The following NCAPD2 variants were observed in gnomAD, a reference collection of about 807,000 sequenced individuals.
The protein encoded by NCAPD2 is non-SMC condensin I complex subunit D2.
Under a neutral mutation model 164.5 loss-of-function variants are expected in NCAPD2, and 100 were observed. The ratio of observed to expected loss-of-function variants is 0.61; its 90% CI spans 0.52 to 0.72. NCAPD2 has a LOEUF of 0.72. Among genes scored for constraint, NCAPD2 ranks in the 30% least tolerant of loss-of-function variants. NCAPD2 has a pLI of 0.00. For missense variants in NCAPD2, 1,560 were observed against 1,749.2 expected (o/e 0.89, Z 1.93); for synonymous variants, 585 against 642.6 (o/e 0.91, Z 1.36).
At chr12:6,508,344 C>CA (rs1237213660) in intron 2 of NCAPD2, among the ~76,000 whole-genome samples, 2 of 151,576 alleles carry the variant, frequency 1.3e-5, no homozygotes, top group Admixed American at 1.3e-4. Flanking sequence ...TTGAAAAAAA[C>CA]AAAAAAATGG....
chr12:6,528,798 A>G lies in NCAPD2; in HGVS notation c.3419A>G (p.Asp1140Gly), dbSNP rs1262181768. 3 of 1,613,534 alleles carry G rather than the reference A, an allele frequency of 1.9e-6. No homozygotes were observed. The highest frequency in any genetic ancestry group is 2.5e-6 in the Non-Finnish European group (3 of 1,179,894). Reference protein sequence around the residue: ...QVSEMAVLLIDPEPQIAALAK... With the variant: ...QVSEMAVLLIGPEPQIAALAK... ...AGCGAGATGGCGGTGCTGCTCATCG[A>G]CCCCGAGCCTCAGATTGCTGCCCTG... Residue 1140 changes from aspartate (D) to glycine (G), a missense_variant, in exon 26 of 32, where the codon GAC becomes GGC. Asp to Gly is a moderately conservative substitution (Grantham distance 94, BLOSUM62 -1). Transcript: ENST00000315579. This position sits in a 1 kb window ranked among gnomAD's most constrained non-coding sequence, Gnocchi z 5.1.
Position 6,529,602 on chromosome 12 carries a change from C to T in NCAPD2, c.3653+9C>T, listed in dbSNP as rs202126467. On this transcript the variant is annotated intron_variant, in intron 28 of 31. Transcript: ENST00000315579. ...CGGTTCCGCACATCCCGGTATGCTG[C>T]CCTCCCTGAGGGTTCTTTGTGCTGA... is the stretch of plus-strand genomic sequence containing the variant. 2.5e-5 allele frequency: 41 copies of T among 1,614,060 alleles called. No individual in the cohort carries two copies. In the East Asian group the frequency reaches 8.9e-4, roughly 35 times the overall value.
chr12:6,508,206 T>C (rs10735058), intron 2 of NCAPD2, among the ~76,000 whole-genome samples: 119,894 of 151,644 alleles, frequency 0.79, 48,130 homozygotes, highest in African/African-American at 0.94. Context: ...CCTGTAGTCC[T>C]AGCTACGTGG....
In NCAPD2 at chr12:6,531,259, C is replaced by T. The variant is rs1946370520; in HGVS notation, c.4121-68C>T. On this transcript the variant is annotated intron_variant, in intron 31 of 31. Transcript: ENST00000315579. The surrounding 1 kb of genome is among the most constrained non-coding windows in gnomAD (Gnocchi z 4.1). ...GCGGTGTGGGATTGTCTCACTTGTT[C>T]TCTGATATCTATTTTTTCACCATCT... 6.5e-7 allele frequency: 1 copy of T among 1,533,036 alleles called. No homozygotes were observed. Among genetic ancestry groups the T allele is most frequent in the African/African-American group, 1.4e-5 (1 of 72,958 alleles). 95.0% of individuals were successfully genotyped at this position (1,533,036 alleles called of 1,614,324 possible).
At chr12:6,525,011 A>G (rs970142195) in intron 17 of NCAPD2, among the ~76,000 whole-genome samples, 5 of 152,204 alleles carry the variant, frequency 3.3e-5, no homozygotes, top group Non-Finnish European at 7.3e-5. Flanking sequence ...GTGGGGAAGC[A>G]GAGGCTGAGG....
chr12:6,530,898 T>C lies in NCAPD2; in HGVS notation c.3965-23T>C, dbSNP rs760188365. On this transcript the variant is annotated intron_variant, in intron 30 of 31. Coordinates refer to ENST00000315579, the MANE Select transcript of NCAPD2 (RefSeq NM_014865.4). ...GATTTGTTTCTTCTTCTTTTTTAAA[T>C]CACGTTTTCCTGCCTTTTCTAGGTT... is the stretch of plus-strand genomic sequence containing the variant. The C allele has an allele frequency of 4.3e-6, 7 of 1,613,122 alleles. No homozygotes were observed. The South Asian group carries it at 7.7e-5, about 18-fold the overall frequency.
intron 2 of NCAPD2, among the ~76,000 whole-genome samples, chr12:6,508,770 G>A (rs1453454350): frequency 6.6e-6 from 1 of 152,198 alleles, no homozygotes; most frequent in Non-Finnish European, 1.5e-5. Flanking sequence ...AAATGTGGCA[G>A]ACACTACGAA....
At chr12:6,525,515 C>G in intron 17 of NCAPD2, 68 bp from the exon 18 acceptor site, 1 of 1,544,818 alleles carries the variant, frequency 6.5e-7, no homozygotes, top group Non-Finnish European at 8.7e-7. Context: ...ATATCATCTT[C>G]AGAAAAGCAG....
At position 6,496,127 on chromosome 12, in the gene NCAPD2, G is replaced by A. The variant is rs1042898735; in HGVS notation, c.127+902G>A. Among the ~76,000 whole-genome samples the A allele has an allele frequency of 6.1e-5, 9 of 148,560 alleles. No homozygotes were observed. In the South Asian group the frequency reaches 1.9e-3, roughly 31 times the overall value. On this transcript the variant is annotated intron_variant, in intron 2 of 31. Coordinates refer to ENST00000315579, the MANE Select transcript of NCAPD2 (RefSeq NM_014865.4). ...GACTGGAGTGCAGTGATGCGATATC[G>A]GCTCACCACAACCTCTGCCTCCCCA...
intron 17 of NCAPD2, among the ~76,000 whole-genome samples, chr12:6,524,455 T>C (rs10849481): frequency 0.21 from 31,834 of 151,804 alleles, 3,530 homozygotes; most frequent in Non-Finnish European, 0.24. Context: ...GAGACCAGCC[T>C]GGTCAACATG....
rs886121001 is a variant in NCAPD2 at position 6,510,762 on chromosome 12, G to C, written c.396G>C (p.Glu132Asp). Residue 132 changes from glutamate to aspartate, a missense_variant, in exon 5 of 32, where the codon GAG becomes GAC. Transcript: ENST00000315579. ...YALIRLLESFETMASQTNLVD... is the reference protein window; with the variant it reads ...YALIRLLESFDTMASQTNLVD... ...TGATACGTCTCCTGGAATCCTTTGA[G>C]ACCATGGCCAGCCAGACAAACCTTG... 6.2e-7 allele frequency: 1 copy of C among 1,614,156 alleles called. No individual in the cohort carries two copies. Among genetic ancestry groups the C allele is most frequent in the Admixed American group, 1.7e-5 (1 of 60,010 alleles).
chr12:6,529,819 T>C lies in NCAPD2; in HGVS notation c.3698T>C (p.Leu1233Pro). The change falls in exon 29 of 32, where the codon CTG becomes CCG. Residue 1233 changes from leucine (L) to proline (P), a missense_variant. Physicochemically the swap from Leu to Pro is moderately conservative, Grantham distance 98. Coordinates refer to ENST00000315579, the MANE Select transcript of NCAPD2 (RefSeq NM_014865.4). ...QRDLAYCVSQ[L>P]PLTERGLRKM... The stretch of plus-strand genomic sequence containing the variant: ...GACCTGGCCTACTGTGTGTCACAGC[T>C]GCCCCTCACAGAGCGAGGCCTCCGT... 1 of 1,614,226 alleles carries C rather than the reference T, an allele frequency of 6.2e-7. No homozygotes were observed. Among genetic ancestry groups the C allele is most frequent in the Non-Finnish European group, 8.5e-7 (1 of 1,180,004 alleles).
rs145893978 is a variant in NCAPD2, at chr12:6,517,896, A to G, written c.1526A>G (p.Asn509Ser). The G allele has an allele frequency of 2.2e-5, 36 of 1,614,200 alleles. No individual in the cohort carries two copies. In the Middle Eastern group the frequency reaches 1.0e-3, roughly 45 times the overall value. ...GEEEIPEQIA[N>S]TETTEDVKGR... Reference sequence around the variant, plus strand: ...GAGGAGATTCCTGAGCAAATTGCCAATACAGAGACAACTGAAGATGTGAAA... The same window carrying G: ...GAGGAGATTCCTGAGCAAATTGCCAGTACAGAGACAACTGAAGATGTGAAA... Residue 509 changes from asparagine (N) to serine (S), a missense_variant, in exon 13 of 32, where the codon AAT becomes AGT. Physicochemically the swap from Asn to Ser is conservative, Grantham distance 46. Transcript: ENST00000315579.
chr12:6,510,414 G>A (rs1565541358), intron 4 of NCAPD2: 1 of 789,868 alleles, frequency 1.3e-6, no homozygotes, highest in Non-Finnish European at 2.3e-6. Context: ...TCCAGTTGCT[G>A]GAGAGAAATT....
chr12:6,515,709 A>G (rs994013128), intron 9 of NCAPD2, among the ~76,000 whole-genome samples: 1 of 152,156 alleles, frequency 6.6e-6, no homozygotes, highest in Non-Finnish European at 1.5e-5. Flanking sequence ...CATTTACTTT[A>G]ACTTTTTGTG....
In NCAPD2 at chr12:6,529,765, C is replaced by G. The variant is rs1946354073; in HGVS notation, c.3654-10C>G. On this transcript the variant is annotated splice_polypyrimidine_tract_variant and intron_variant, in intron 28 of 31. Transcript: ENST00000315579. ...CTCCCAGTTCCTCACAAAGCCCTTC[C>G]TATCTGCAGAACTGAGCGGCAGCAG... 1.9e-6 allele frequency: 3 copies of G among 1,608,158 alleles called. No individual in the cohort carries two copies. The highest frequency in any genetic ancestry group is 2.6e-6 in the Non-Finnish European group (3 of 1,175,886).
chr12:6,514,531 C>T lies in NCAPD2; in HGVS notation c.783C>T (p.Ala261=), dbSNP rs145778768. 2.1e-5 allele frequency: 34 copies of T among 1,614,040 alleles called. No homozygotes were observed. The highest frequency in any genetic ancestry group is 9.9e-5 in the South Asian group (9 of 91,084). The part of the protein sequence containing the change: ...FEHLAPVLVA[A]VSLWATDYGM... ...ACCTGGCACCTGTACTGGTTGCAGC[C>T]GTGAGTCTATGGGCAACTGACTATG... The change falls in exon 8 of 32, where the codon GCC becomes GCT. Residue 261 remains alanine, a synonymous_variant. Transcript: ENST00000315579.
At chr12:6,496,161 C>G (rs986332001) in intron 2 of NCAPD2, among the ~76,000 whole-genome samples, 2 of 150,988 alleles carry the variant, frequency 1.3e-5, no homozygotes, top group Non-Finnish European at 2.9e-5. Context: ...CAGGCTCAAG[C>G]GATTCTCCTG....
At chr12:6,511,481 C>T (rs566446509) in intron 6 of NCAPD2, among the ~76,000 whole-genome samples, 56 of 151,978 alleles carry the variant, frequency 3.7e-4, no homozygotes, top group Admixed American at 1.2e-3. Context: ...TACAGGTGCC[C>T]GCCACCACAA....
Sources: gnomAD v4.1 joint callset for allele counts (sites outside exome capture counted in the v4.1 genomes callset) on GRCh38, gnomAD v4.1.1 for gene constraint, Gnocchi (gnomAD v3.1) non-coding constraint, MANE v1.5 for transcripts, NCBI Gene and HGNC (gene_info 2026-07-23, HGNC 2026-07-21) for gene names.